Variants in OR8D1 observed in about 807,000 individuals in gnomAD.
The protein encoded by OR8D1 is olfactory receptor 8D1.
For synonymous variants in OR8D1, 143 were observed against 147.0 expected (o/e 0.97, Z 0.20); for missense variants, 384 against 366.8 (o/e 1.05, Z -0.38).
intron 1 of OR8D1, among the ~76,000 whole-genome samples, chr11:124,313,327 G>T (rs1333371140): frequency 1.3e-5 from 2 of 150,730 alleles, no homozygotes; most frequent in Non-Finnish European, 3.0e-5. Flanking sequence ...AAGAGAAAAA[G>T]GAAAGAAAGA....
In OR8D1 at chr11:124,304,269, G is replaced by C. The variant is rs150628475; in HGVS notation, c.*5571C>G. Reference sequence around the variant, plus strand: ...GTTTATATTGCCTATTCTTGCACTTGAAATAAATTGATTTATACTGTGTGT... The same window carrying C: ...GTTTATATTGCCTATTCTTGCACTTCAAATAAATTGATTTATACTGTGTGT... On this transcript the variant is annotated 3_prime_UTR_variant, in exon 3 of 3. Coordinates refer to ENST00000641015, the MANE Select transcript of OR8D1 (RefSeq NM_001002917.2). The C allele has an allele frequency of 1.5e-4, 23 of 151,952 alleles. No individual in the cohort carries two copies. The highest frequency in any genetic ancestry group is 5.3e-4 in the African/African-American group (22 of 41,538). The allele number at this position is 151,952 out of a possible 1,614,324, so 9.4% of individuals were successfully genotyped here.
At position 124,306,405 on chromosome 11, in the gene OR8D1, A is replaced by C. The variant is rs1591408404; in HGVS notation, c.*3435T>G. On this transcript the variant is annotated 3_prime_UTR_variant, in exon 3 of 3. Coordinates refer to ENST00000641015, the MANE Select transcript of OR8D1 (RefSeq NM_001002917.2). ...TATATATAATGAATATTATATATAT[A>C]ATATTCATATAATATTCACAGTGAA... The C allele has an allele frequency of 6.7e-6, 1 of 148,694 alleles. No homozygotes were observed. The highest frequency in any genetic ancestry group is 2.0e-4 in the East Asian group (1 of 5,128). The allele number at this position is 148,694 out of a possible 1,614,324, so 9.2% of individuals were successfully genotyped here. A position where few individuals can be genotyped will look rare whatever the true frequency, so the allele number is the denominator to read the frequency against.
Position 124,303,494 on chromosome 11 carries a change from C to CAATGTAAA in OR8D1, c.*6345_*6346insTTTACATT, listed in dbSNP as rs1862341912. On this transcript the variant is annotated 3_prime_UTR_variant, in exon 3 of 3. Coordinates refer to ENST00000641015, the MANE Select transcript of OR8D1 (RefSeq NM_001002917.2). ...GTTCTGTTTTCAATGTAAATTGCTG[C>CAATGTAAA]TTATATCTTTTGCCTGGTTTTCTAT... 2 of 152,040 alleles carry CAATGTAAA rather than the reference C, an allele frequency of 1.3e-5. No individual in the cohort carries two copies. The highest frequency in any genetic ancestry group is 2.9e-5 in the Non-Finnish European group (2 of 67,990). 9.4% of individuals were successfully genotyped at this position (152,040 alleles called of 1,614,324 possible).
chr11:124,312,388 C>T (rs1380069828), intron 1 of OR8D1, among the ~76,000 whole-genome samples: 1 of 151,982 alleles, frequency 6.6e-6, no homozygotes. Context: ...GAGTTGGGGG[C>T]ACTGAAGTGT....
intron 1 of OR8D1, among the ~76,000 whole-genome samples, chr11:124,312,752 A>G (rs1308413223): frequency 6.6e-6 from 1 of 151,740 alleles, no homozygotes; most frequent in Non-Finnish European, 1.5e-5. Flanking sequence ...TCCTGACCTC[A>G]GGTGATCCAC....
rs924420029 is a variant in OR8D1, at chr11:124,309,704, A to G, written c.*136T>C. The G allele has an allele frequency of 2.2e-6, 1 of 451,116 alleles. No homozygotes were observed. The highest frequency in any genetic ancestry group is 3.8e-6 in the Non-Finnish European group (1 of 265,084). 27.9% of individuals were successfully genotyped at this position (451,116 alleles called of 1,614,324 possible). ...TTTATTTTGTTGAGAAAGTTGAATC[A>G]ATCATAGATGGGAAAGTATTTTTAA... On this transcript the variant is annotated 3_prime_UTR_variant, in exon 3 of 3. Transcript: ENST00000641015.
At chr11:124,311,417 A>G (rs1862420750) in intron 2 of OR8D1, among the ~76,000 whole-genome samples, 155 bp downstream of exon 2, 1 of 152,164 alleles carries the variant, frequency 6.6e-6, no homozygotes, top group Admixed American at 6.5e-5. Context: ...GGAATCACTG[A>G]TGAGAACAAT....
intron 2 of OR8D1, 54 bp from the exon 3 acceptor site, chr11:124,310,836 A>G: frequency 1.7e-6 from 2 of 1,181,066 alleles, no homozygotes; most frequent in Non-Finnish European, 2.4e-6. Context: ...CTGCTCTTCC[A>G]AACAAAACCA....
Position 124,303,110 on chromosome 11 carries a change from C to T in OR8D1, c.*6730G>A, listed in dbSNP as rs1591407582. 2.6e-5 allele frequency: 4 copies of T among 152,586 alleles called. No homozygotes were observed. The South Asian group carries it at 8.3e-4, about 32-fold the overall frequency. 9.5% of individuals were successfully genotyped at this position (152,586 alleles called of 1,614,324 possible). A position where few individuals can be genotyped will look rare whatever the true frequency, so the allele number is the denominator to read the frequency against. On this transcript the variant is annotated 3_prime_UTR_variant, in exon 3 of 3. Transcript: ENST00000641015. ...TCATAAAGAAGAGAGGTTTAATTGA[C>T]TCACAGTTCTACATGGCTGGGGAAG...
rs1862372921 is a variant in OR8D1 at position 124,306,835 on chromosome 11, C to T, written c.*3005G>A. 6.6e-6 allele frequency: 1 copy of T among 152,012 alleles called. No homozygotes were observed. The highest frequency in any genetic ancestry group is 1.5e-5 in the Non-Finnish European group (1 of 67,978). 9.4% of individuals were successfully genotyped at this position (152,012 alleles called of 1,614,324 possible). On this transcript the variant is annotated 3_prime_UTR_variant, in exon 3 of 3. Transcript: ENST00000641015. ...CATCCCTGAGGAGGAACACCTATTA[C>T]TCTAATACTCCCGCCTCTGTTTCAC...
chr11:124,309,623 G>C lies in OR8D1; in HGVS notation c.*217C>G, dbSNP rs964677266. On this transcript the variant is annotated 3_prime_UTR_variant, in exon 3 of 3. Coordinates refer to ENST00000641015, the MANE Select transcript of OR8D1 (RefSeq NM_001002917.2). ...TGGTAAAAGAAATTAAAACTACCTA[G>C]ACCTTAGTTTTCCTATCAAAAGATA... 2.3e-5 allele frequency: 7 copies of C among 304,930 alleles called. No individual in the cohort carries two copies. Among genetic ancestry groups the C allele is most frequent in the Admixed American group, 4.7e-5 (1 of 21,284 alleles). The allele number at this position is 304,930 out of a possible 1,614,324, so 18.9% of individuals were successfully genotyped here. A position where few individuals can be genotyped will look rare whatever the true frequency, so the allele number is the denominator to read the frequency against.
At chr11:124,312,705 A>T (rs977982473) in intron 1 of OR8D1, among the ~76,000 whole-genome samples, 1 of 151,480 alleles carries the variant, frequency 6.6e-6, no homozygotes, top group Admixed American at 6.6e-5. Context: ...TTTAGTAAAG[A>T]CAAGGTTTCA....
intron 1 of OR8D1, among the ~76,000 whole-genome samples, chr11:124,313,370 A>AT (rs1442990161): frequency 6.6e-6 from 1 of 152,084 alleles, no homozygotes; most frequent in Non-Finnish European, 1.5e-5. Flanking sequence ...AAAGAAAGAA[A>AT]TTTGTATGTG....
chr11:124,310,716 T>A lies in OR8D1; in HGVS notation c.51A>T (p.Leu17Phe). 1 of 1,613,672 alleles carries A rather than the reference T, an allele frequency of 6.2e-7. No homozygotes were observed. The highest frequency in any genetic ancestry group is 1.7e-4 in the Middle Eastern group (1 of 6,052). Residue 17 changes from leucine (L) to phenylalanine (F), a missense_variant, in exon 3 of 3, where the codon TTA becomes TTT. Physicochemically the swap from Leu to Phe is conservative, Grantham distance 22. Transcript: ENST00000641015. ...SMAAQFVLDG[L>F]TQQAELQLPL... is the part of the protein sequence containing the mutation. ...GCAGCTGGAGCTCTGCTTGCTGTGT[T>A]AAACCATCTAAGACAAACTGAGCTG...
In OR8D1 at chr11:124,310,405, T is replaced by C. The variant is rs1459613176; in HGVS notation, c.362A>G (p.Asp121Gly). 2 of 1,613,250 alleles carry C rather than the reference T, an allele frequency of 1.2e-6. No homozygotes were observed. The highest frequency in any genetic ancestry group is 1.7e-5 in the Admixed American group (1 of 59,858). Residue 121 changes from aspartate (D) to glycine (G), a missense_variant, in exon 3 of 3, where the codon GAT becomes GGT. Coordinates refer to ENST00000641015, the MANE Select transcript of OR8D1 (RefSeq NM_001002917.2). ...TGGGCTACAGATGGCAACATAGCGA[T>C]CATATGCCATGGCAGTCAGGAGGTA... ...EGYLLTAMAY[D>G]RYVAICSPLL...
rs958387075 is a variant in OR8D1, at chr11:124,309,210, C to A, written c.*630G>T. The A allele has an allele frequency of 6.9e-6, 1 of 145,438 alleles. No homozygotes were observed. The highest frequency in any genetic ancestry group is 1.5e-5 in the Non-Finnish European group (1 of 65,028). The allele number at this position is 145,438 out of a possible 1,614,324, so 9.0% of individuals were successfully genotyped here. On this transcript the variant is annotated 3_prime_UTR_variant, in exon 3 of 3. Transcript: ENST00000641015. The stretch of plus-strand genomic sequence containing the variant: ...AGTAGATATACAAATACAAAAAAAA[C>A]AAAACCAGATCCATGAAGAACAACA...
intron 2 of OR8D1, 65 bp from the exon 3 acceptor site, chr11:124,310,847 A>G (rs1297372481): frequency 6.6e-6 from 7 of 1,057,590 alleles, no homozygotes; most frequent in Admixed American, 2.3e-5. Context: ...AACAAAACCA[A>G]ATTGCATAAG....
At chr11:124,311,926 G>A (rs969509493) in intron 1 of OR8D1, among the ~76,000 whole-genome samples, 2 of 152,082 alleles carry the variant, frequency 1.3e-5, no homozygotes, top group Non-Finnish European at 2.9e-5. Context: ...AGCTTAATGA[G>A]GTGAACTATA....
rs1175421869 is a variant in OR8D1 at position 124,306,743 on chromosome 11, T to G, written c.*3097A>C. 6.6e-6 allele frequency: 1 copy of G among 151,948 alleles called. No homozygotes were observed. Among genetic ancestry groups the G allele is most frequent in the Non-Finnish European group, 1.5e-5 (1 of 67,970 alleles). 9.4% of individuals were successfully genotyped at this position (151,948 alleles called of 1,614,324 possible). ...TTTTTTTACTCTTAACTGATTGGAATCTGTTTTTCTAAATCCTAGGGTATA... is the reference window on the plus strand; with the variant it reads ...TTTTTTTACTCTTAACTGATTGGAAGCTGTTTTTCTAAATCCTAGGGTATA... On this transcript the variant is annotated 3_prime_UTR_variant, in exon 3 of 3. Transcript: ENST00000641015.
Sources: gnomAD v4.1 joint callset for allele counts (sites outside exome capture counted in the v4.1 genomes callset) on GRCh38, gnomAD v4.1.1 for gene constraint, MANE v1.5 for transcripts, NCBI Gene and HGNC (gene_info 2026-07-23, HGNC 2026-07-21) for gene names.